FRMPD4: variants seen among roughly 807,000 people sequenced by gnomAD.
FRMPD4 encodes the protein FERM and PDZ domain-containing protein 4.
Under a neutral mutation model 94.1 loss-of-function variants are expected in FRMPD4, and 22 were observed. That is an observed-to-expected ratio of 0.23 (90% CI 0.17 to 0.33). The LOEUF is 0.33. FRMPD4 is among the 10% of genes least tolerant of loss of function. FRMPD4 has a pLI of 1.00. For synonymous variants in FRMPD4, 631 were observed against 548.6 expected, an observed-to-expected ratio of 1.15 and a Z score of -2.10; for missense variants, 1,111 against 1,339.9, an observed-to-expected ratio of 0.83 and a Z score of 2.67.
Position 12,309,382 on chromosome X carries a change from T to C in FRMPD4, c.41+170370T>C. On this transcript the variant is annotated intron_variant, in intron 1 of 16. Coordinates refer to ENST00000675598, the MANE Select transcript of FRMPD4 (RefSeq NM_001368397.1). ...TAAAAAAAATAAAAAAAAAGTCTTA[T>C]GGTCTGTTTTCTTGCCTCTTAGGTG... Among the ~76,000 whole-genome samples, 3 of 112,421 alleles carry C rather than the reference T, an allele frequency of 2.7e-5. No homozygotes were observed. The Middle Eastern group carries it at 0.014, about 516-fold the overall frequency.
chrX:12,556,785 C>T (rs2058599800), intron 2 of FRMPD4, among the ~76,000 whole-genome samples: 1 of 111,713 alleles, frequency 9.0e-6, no homozygotes, highest in East Asian at 2.8e-4. Context: ...TCCCCTTCAC[C>T]CTCTGAAGGT....
At chrX:11,970,440 T>C (rs1045001366) in intron 3 of FRMPD4, among the ~76,000 whole-genome samples, 26 of 112,108 alleles carry the variant, frequency 2.3e-4, no homozygotes, top group African/African-American at 6.8e-4. Context: ...TGCTCCGTCA[T>C]TGGGGCAAAT....
At chrX:12,536,300 C>T (rs2058338152) in intron 2 of FRMPD4, among the ~76,000 whole-genome samples, 1 of 108,824 alleles carries the variant, frequency 9.2e-6, no homozygotes, top group Non-Finnish European at 1.9e-5. Context: ...ATTGAGCTTC[C>T]AGGCAGCCAT....
intron 2 of FRMPD4, among the ~76,000 whole-genome samples, chrX:12,561,005 G>A (rs1265060994): frequency 2.8e-5 from 3 of 107,618 alleles, no homozygotes; most frequent in Non-Finnish European, 3.9e-5. Context: ...TCCTGACCTC[G>A]TGATCCGCCC....
At chrX:12,302,589 C>A (rs2054877695) in intron 1 of FRMPD4, among the ~76,000 whole-genome samples, 1 of 111,246 alleles carries the variant, frequency 9.0e-6, no homozygotes, top group Admixed American at 9.6e-5. Flanking sequence ...TGCCCAGATG[C>A]TAATAACACT....
chrX:11,869,011 T>C (rs201646422), intron 2 of FRMPD4, among the ~76,000 whole-genome samples: 2 of 43,419 alleles, frequency 4.6e-5, no homozygotes, highest in East Asian at 7.2e-4. Context: ...TGGGCATTGA[T>C]TTTTTTTTGT....
intron 11 of FRMPD4, among the ~76,000 whole-genome samples, chrX:12,705,093 C>T: frequency 8.9e-6 from 1 of 111,975 alleles, no homozygotes; most frequent in Non-Finnish European, 1.9e-5. Flanking sequence ...CTCCCGGGAA[C>T]AAAATCACCC....
At chrX:12,605,645 T>C (rs1432512520) in intron 2 of FRMPD4, among the ~76,000 whole-genome samples, 1 of 111,040 alleles carries the variant, frequency 9.0e-6, no homozygotes, top group Non-Finnish European at 1.9e-5. Flanking sequence ...CAACCCCACA[T>C]CCTTATCTGC....
intron 1 of FRMPD4, among the ~76,000 whole-genome samples, chrX:12,355,163 A>T (rs1376040288): frequency 1.9e-5 from 2 of 106,617 alleles, no homozygotes; most frequent in Non-Finnish European, 3.9e-5. Context: ...CTATACTTGT[A>T]GTACTAGTGA....
chrX:12,672,446 C>T (rs768872755), intron 4 of FRMPD4, among the ~76,000 whole-genome samples: 85 of 112,259 alleles, frequency 7.6e-4, no homozygotes, highest in Non-Finnish European at 4.3e-4. Flanking sequence ...TTTGGGCCTG[C>T]CTCAGTGTAA....
At chrX:12,015,103 A>AT (rs1024651752) in intron 3 of FRMPD4, among the ~76,000 whole-genome samples, 4 of 110,581 alleles carry the variant, frequency 3.6e-5, no homozygotes, top group Admixed American at 9.5e-5. Flanking sequence ...ATTCTTGACA[A>AT]TTTTTTTTTA....
intron 8 of FRMPD4, among the ~76,000 whole-genome samples, chrX:12,693,945 T>C (rs1363470123): frequency 9.0e-6 from 1 of 111,605 alleles, no homozygotes; most frequent in African/African-American, 3.3e-5. Flanking sequence ...GGCTGAGGTC[T>C]CAGCAGCTCT....
At chrX:12,362,802 A>G (rs1161463278) in intron 1 of FRMPD4, among the ~76,000 whole-genome samples, 1 of 111,920 alleles carries the variant, frequency 8.9e-6, no homozygotes, top group Non-Finnish European at 1.9e-5. Flanking sequence ...CAATGGTTGA[A>G]CTAGTTTACA....
chrX:11,973,208 A>T (rs1386791794), intron 3 of FRMPD4, among the ~76,000 whole-genome samples: 1 of 112,692 alleles, frequency 8.9e-6, no homozygotes, highest in Non-Finnish European at 1.9e-5. Context: ...GTGTCTATTA[A>T]TTCAGACTTC....
At chrX:12,347,297 G>A (rs1362705341) in intron 1 of FRMPD4, among the ~76,000 whole-genome samples, 1 of 111,035 alleles carries the variant, frequency 9.0e-6, no homozygotes, top group Non-Finnish European at 1.9e-5. Context: ...GAGTGCAGTG[G>A]CGTGACCATA....
intron 1 of FRMPD4, among the ~76,000 whole-genome samples, chrX:12,143,036 T>C: frequency 8.9e-6 from 1 of 112,492 alleles, no homozygotes; most frequent in East Asian, 2.8e-4. Context: ...AGAATGTACA[T>C]TATTGGTGAA....
chrX:11,924,418 A>T (rs2054074510), intron 3 of FRMPD4, among the ~76,000 whole-genome samples: 1 of 111,901 alleles, frequency 8.9e-6, no homozygotes, highest in Non-Finnish European at 1.9e-5. Flanking sequence ...CCCCAGTAAG[A>T]TAATCTACAA....
chrX:12,355,946 G>A (rs756327909), intron 1 of FRMPD4, among the ~76,000 whole-genome samples: 2 of 111,936 alleles, frequency 1.8e-5, no homozygotes, highest in African/African-American at 6.5e-5. Context: ...ATACCATCTT[G>A]AGGTTACAGA....
chrX:11,960,377 G>A (rs993879453), intron 3 of FRMPD4, among the ~76,000 whole-genome samples: 1 of 111,679 alleles, frequency 9.0e-6, no homozygotes, highest in African/African-American at 3.3e-5. Context: ...TCTGTCATTG[G>A]GAAGGCCATG....
Sources: gnomAD v4.1 joint callset for allele counts (sites outside exome capture counted in the v4.1 genomes callset) on GRCh38, gnomAD v4.1.1 for gene constraint, MANE v1.5 for transcripts, NCBI Gene and HGNC (gene_info 2026-07-23, HGNC 2026-07-21) for gene names.